Variants in ITSN1 observed in about 807,000 individuals in gnomAD.
ITSN1 encodes intersectin 1, also known as intersectin-1.
ITSN1 carries 58 observed loss-of-function variants against 239.8 expected under a neutral mutation model. That is an observed-to-expected ratio of 0.24 (90% CI 0.20 to 0.30). The LOEUF is 0.30. ITSN1 is among the 10% of genes least tolerant of loss of function. The pLI is 1.00. For synonymous variants in ITSN1, 780 were observed against 770.8 expected (o/e 1.01, Z -0.20); for missense variants, 1,558 against 2,103.3 (o/e 0.74, Z 5.07).
intron 8 of ITSN1, among the ~76,000 whole-genome samples, chr21:33,756,025 T>A (rs573072097): frequency 6.6e-6 from 1 of 152,286 alleles, no homozygotes; most frequent in East Asian, 1.9e-4. Context: ...TAAAGAAGGC[T>A]GGGTGCAGTG....
intron 38 of ITSN1, 78 bp from the exon 39 acceptor site, chr21:33,886,209 C>CT (rs1985772837): frequency 7.6e-6 from 8 of 1,049,720 alleles, no homozygotes; most frequent in Admixed American, 6.5e-5. Flanking sequence ...AAGAATCCAT[C>CT]TAAAAAAAAA....
At position 33,751,735 on chromosome 21, in the gene ITSN1, C is replaced by T. The variant is rs1012699125; in HGVS notation, c.527-75C>T. 3 of 1,111,870 alleles carry T rather than the reference C, an allele frequency of 2.7e-6. No homozygotes were observed. In the African/African-American group the frequency reaches 4.7e-5, roughly 18 times the overall value. 68.9% of individuals were successfully genotyped at this position (1,111,870 alleles called of 1,614,324 possible). On this transcript the variant is annotated intron_variant, in intron 6 of 39. Transcript: ENST00000381318. ...TTCTGCCTCAGATTTGTTGACTGTGCATTTTAATTTTTGTAAATTGGGGAA... is the reference window on the plus strand; with the variant it reads ...TTCTGCCTCAGATTTGTTGACTGTGTATTTTAATTTTTGTAAATTGGGGAA...
intron 25 of ITSN1, among the ~76,000 whole-genome samples, chr21:33,824,150 C>T (rs575813840): frequency 2.6e-4 from 40 of 152,044 alleles, no homozygotes; most frequent in African/African-American, 9.6e-4. Context: ...GGGATGGGTA[C>T]ACTTTTGGCT....
intron 5 of ITSN1, among the ~76,000 whole-genome samples, chr21:33,744,641 T>C (rs1336201102): frequency 6.6e-6 from 1 of 152,194 alleles, no homozygotes; most frequent in Non-Finnish European, 1.5e-5. Flanking sequence ...TGTGAAGAGC[T>C]TGAAGGACCC....
At position 33,857,361 on chromosome 21, in the gene ITSN1, C is replaced by G. The variant is rs374409919; in HGVS notation, c.3783+504C>G. Reference sequence around the variant, plus strand: ...CCAGGCCCCCACAAAAGCCCCTGACCTGAGTGATGCCTCCTCATCTTGTCA... The same window carrying G: ...CCAGGCCCCCACAAAAGCCCCTGACGTGAGTGATGCCTCCTCATCTTGTCA... On this transcript the variant is annotated intron_variant, in intron 30 of 39. Transcript: ENST00000381318. 6.6e-5 allele frequency among the ~76,000 whole-genome samples: 10 copies of G among 152,366 alleles called. No homozygotes were observed. The East Asian group carries it at 1.5e-3, about 24-fold the overall frequency.
At chr21:33,666,892 C>A (rs1235045406) in intron 1 of ITSN1, among the ~76,000 whole-genome samples, 1 of 152,208 alleles carries the variant, frequency 6.6e-6, no homozygotes, top group African/African-American at 2.4e-5. Context: ...GCCTCGACTT[C>A]TGGGCACAAG....
Position 33,834,989 on chromosome 21 carries a change from T to G in ITSN1, c.3469+565T>G, listed in dbSNP as rs560045148. On this transcript the variant is annotated intron_variant, in intron 28 of 39. Transcript: ENST00000381318. ...CAGCAGTTGGCCCAGTTGGCTATTT[T>G]CTGATTGAAGGGACCAAATGAGATG... 2.3e-3 allele frequency among the ~76,000 whole-genome samples: 350 copies of G among 152,310 alleles called. 1 individual carries two copies. Among genetic ancestry groups the G allele is most frequent in the African/African-American group, 8.1e-3 (338 of 41,556 alleles).
At position 33,891,396 on chromosome 21, in the gene ITSN1, G is replaced by A. The variant is rs984153972; in HGVS notation, c.*3096G>A. On this transcript the variant is annotated 3_prime_UTR_variant, in exon 40 of 40. Transcript: ENST00000381318. ...GCTTTTTTTAAACAACCTAAAGTATGACCTAAGTGTATGAAACTAACTGAT... is the reference window on the plus strand; with the variant it reads ...GCTTTTTTTAAACAACCTAAAGTATAACCTAAGTGTATGAAACTAACTGAT... 4 of 152,138 alleles carry A rather than the reference G, an allele frequency of 2.6e-5. No homozygotes were observed. Among genetic ancestry groups the A allele is most frequent in the African/African-American group, 9.7e-5 (4 of 41,426 alleles). 9.4% of individuals were successfully genotyped at this position (152,138 alleles called of 1,614,324 possible).
intron 25 of ITSN1, among the ~76,000 whole-genome samples, chr21:33,824,546 C>T (rs1001018378): frequency 6.6e-6 from 1 of 152,112 alleles, no homozygotes; most frequent in East Asian, 1.9e-4. Flanking sequence ...CTGTAGGGGC[C>T]GCTTTCTCAG....
intron 32 of ITSN1, among the ~76,000 whole-genome samples, chr21:33,866,721 T>G (rs1167813407): frequency 6.6e-6 from 1 of 152,178 alleles, no homozygotes; most frequent in Non-Finnish European, 1.5e-5. Flanking sequence ...AACTGGAGTC[T>G]TGACCCCCGT....
At chr21:33,766,419 AAG>A in intron 10 of ITSN1, among the ~76,000 whole-genome samples, 1 of 152,200 alleles carries the variant, frequency 6.6e-6, no homozygotes, top group East Asian at 1.9e-4. Context: ...TATAATCAGG[AAG>A]ACAAAGAAAA....
intron 1 of ITSN1, among the ~76,000 whole-genome samples, chr21:33,653,810 C>T (rs183653115): frequency 9.9e-4 from 151 of 152,294 alleles, no homozygotes; most frequent in Non-Finnish European, 1.1e-3. Flanking sequence ...GCGTGAGCCA[C>T]TGCGCCCGGC....
intron 36 of ITSN1, 123 bp downstream of exon 36, chr21:33,883,794 A>G: frequency 9.3e-7 from 1 of 1,072,392 alleles, no homozygotes; most frequent in Non-Finnish European, 1.3e-6. Context: ...CCTAGCTGGG[A>G]GTGGGGATGG....
rs561012129 is a variant in ITSN1 at position 33,756,517 on chromosome 21, A to G, written c.724+1120A>G. 3.5e-4 allele frequency among the ~76,000 whole-genome samples: 54 copies of G among 152,124 alleles called. 3 individuals are homozygous for G. The South Asian group carries it at 0.01, about 29-fold the overall frequency. On this transcript the variant is annotated intron_variant, in intron 8 of 39. Coordinates refer to ENST00000381318, the MANE Select transcript of ITSN1 (RefSeq NM_003024.3). Reference sequence around the variant, plus strand: ...TGATTCTTACTATTTTTTCCTTGCTATTACTTAAAATTGCAATTTTTACTC... The same window carrying G: ...TGATTCTTACTATTTTTTCCTTGCTGTTACTTAAAATTGCAATTTTTACTC...
intron 29 of ITSN1, among the ~76,000 whole-genome samples, chr21:33,841,037 G>A (rs2074804798): frequency 6.6e-6 from 1 of 152,196 alleles, no homozygotes; most frequent in Admixed American, 6.5e-5. Flanking sequence ...TTCCCCAAGT[G>A]GCCCAGGCCT....
Position 33,865,115 on chromosome 21 carries a change from G to C in ITSN1, c.3891-36G>C. 1 of 1,590,076 alleles carries C rather than the reference G, an allele frequency of 6.3e-7. No individual in the cohort carries two copies. Among genetic ancestry groups the C allele is most frequent in the African/African-American group, 1.3e-5 (1 of 74,682 alleles). On this transcript the variant is annotated intron_variant, in intron 31 of 39. Coordinates refer to ENST00000381318, the MANE Select transcript of ITSN1 (RefSeq NM_003024.3). The surrounding 1 kb of genome is among the most constrained non-coding windows in gnomAD (Gnocchi z 4.4). Reference sequence around the variant, plus strand: ...GTGCTGTGGTGCTGTCAGATAGCGTGAAAGCAGGGGGCTCACCTCCCGTGT... The same window carrying C: ...GTGCTGTGGTGCTGTCAGATAGCGTCAAAGCAGGGGGCTCACCTCCCGTGT...
intron 1 of ITSN1, among the ~76,000 whole-genome samples, chr21:33,716,152 G>A (rs920083336): frequency 6.6e-6 from 1 of 152,068 alleles, no homozygotes; most frequent in African/African-American, 2.4e-5. Flanking sequence ...CTTGTGCTTG[G>A]GGGCTCCACG....
intron 1 of ITSN1, among the ~76,000 whole-genome samples, chr21:33,706,609 G>GGTTTTTTAAAA (rs1469451402): frequency 5.0e-4 from 76 of 152,084 alleles, no homozygotes; most frequent in African/African-American, 1.8e-3. Flanking sequence ...TTTTTAAAAA[G>GGTTTTTTAAAA]AAATTTTCTT....
intron 5 of ITSN1, among the ~76,000 whole-genome samples, chr21:33,748,350 G>A (rs537121781): frequency 6.6e-6 from 1 of 152,126 alleles, no homozygotes; most frequent in East Asian, 1.9e-4. Context: ...CTTGGAGGCT[G>A]AGGCAAAAGA....
Sources: gnomAD v4.1 joint callset for allele counts (sites outside exome capture counted in the v4.1 genomes callset) on GRCh38, gnomAD v4.1.1 for gene constraint, Gnocchi (gnomAD v3.1) non-coding constraint, MANE v1.5 for transcripts, NCBI Gene and HGNC (gene_info 2026-07-23, HGNC 2026-07-21) for gene names.